BRINP3: variants seen among roughly 807,000 people sequenced by gnomAD.
The protein encoded by BRINP3 is BMP/retinoic acid-inducible neural-specific protein 3.
In BRINP3, 19 loss-of-function variants were observed where a neutral mutation model predicts 71.0. The ratio of observed to expected loss-of-function variants is 0.27; its 90% CI spans 0.19 to 0.39. BRINP3 has a LOEUF of 0.39. Ranked by LOEUF, BRINP3 falls within the 10% of genes least tolerant of loss-of-function variation. The pLI, the probability that BRINP3 is intolerant of heterozygous loss-of-function variation, is 1.00. For synonymous variants in BRINP3, 380 were observed against 337.7 expected (o/e 1.13, Z -1.37); for missense variants, 959 against 940.8 (o/e 1.02, Z -0.25).
intron 2 of BRINP3, among the ~76,000 whole-genome samples, chr1:190,371,856 G>A (rs757672821): frequency 6.1e-4 from 92 of 152,034 alleles, no homozygotes; most frequent in Non-Finnish European, 9.0e-4. Flanking sequence ...GAGAGTCTCC[G>A]ACCCCTATCA....
At chr1:190,166,467 A>G (rs762287287) in intron 6 of BRINP3, among the ~76,000 whole-genome samples, 1 of 152,176 alleles carries the variant, frequency 6.6e-6, no homozygotes, top group Non-Finnish European at 1.5e-5. Context: ...CTTATCTCTT[A>G]GAAGCTGGAA....
intron 2 of BRINP3, among the ~76,000 whole-genome samples, chr1:190,448,463 T>TGTGTGTGTGTG (rs1553324612): frequency 2.1e-4 from 26 of 125,062 alleles, no homozygotes; most frequent in Admixed American, 7.7e-4. Context: ...CACTTGGGGT[T>TGTGTGTGTGTG]TGTGTGTGTG....
rs78576435 is a variant in BRINP3 at position 190,277,276 on chromosome 1, C to G, written c.427+4284G>C. Among the ~76,000 whole-genome samples, 530 of 150,378 alleles carry G rather than the reference C, an allele frequency of 3.5e-3. 5 individuals are homozygous for G. Among genetic ancestry groups the G allele is most frequent in the African/African-American group, 0.012 (493 of 41,140 alleles). Reference sequence around the variant, plus strand: ...AGGAAAGAGGCTGCCCATGAAAACTCCACCTCTTACTCTTCCTCCTTTTGT... The same window carrying G: ...AGGAAAGAGGCTGCCCATGAAAACTGCACCTCTTACTCTTCCTCCTTTTGT... On this transcript the variant is annotated intron_variant, in intron 3 of 7. Transcript: ENST00000367462.
chr1:190,447,134 A>G (rs1175757418), intron 2 of BRINP3, among the ~76,000 whole-genome samples: 1 of 151,658 alleles, frequency 6.6e-6, no homozygotes, highest in Non-Finnish European at 1.5e-5. Context: ...TGAATATGTA[A>G]AATGGAAATT....
At chr1:190,143,096 T>C (rs1180816520) in intron 7 of BRINP3, among the ~76,000 whole-genome samples, 2 of 152,170 alleles carry the variant, frequency 1.3e-5, no homozygotes, top group Non-Finnish European at 2.9e-5. Context: ...ATTAAAATGT[T>C]TTAAAATATA....
At chr1:190,181,399 T>A (rs976541414) in intron 6 of BRINP3, among the ~76,000 whole-genome samples, 2 of 152,154 alleles carry the variant, frequency 1.3e-5, no homozygotes, top group African/African-American at 4.8e-5. Flanking sequence ...ATTTTAGATA[T>A]GTTAAGGCTT....
At chr1:190,381,769 C>T (rs1230880224) in intron 2 of BRINP3, among the ~76,000 whole-genome samples, 1 of 152,140 alleles carries the variant, frequency 6.6e-6, no homozygotes, top group Non-Finnish European at 1.5e-5. Flanking sequence ...TCATTTAACA[C>T]ACACGGATGA....
chr1:190,143,901 G>A (rs192135109), intron 7 of BRINP3, among the ~76,000 whole-genome samples: 32 of 152,252 alleles, frequency 2.1e-4, no homozygotes, highest in Admixed American at 6.5e-4. Flanking sequence ...GCATAGCCAT[G>A]ACCATTTATA....
At chr1:190,199,165 C>T (rs141918047) in intron 6 of BRINP3, among the ~76,000 whole-genome samples, 1 of 152,264 alleles carries the variant, frequency 6.6e-6, no homozygotes, top group East Asian at 1.9e-4. Context: ...ATGAGAACAG[C>T]ACAGGAAACA....
chr1:190,293,496 C>CTCAAACTTCA lies in BRINP3; in HGVS notation c.237-11747_237-11746insTGAAGTTTGA, dbSNP rs1558152520. 5.4e-3 allele frequency among the ~76,000 whole-genome samples: 828 copies of CTCAAACTTCA among 152,228 alleles called. 5 individuals are homozygous for CTCAAACTTCA. Among genetic ancestry groups the CTCAAACTTCA allele is most frequent in the African/African-American group, 0.018 (757 of 41,546 alleles). On this transcript the variant is annotated intron_variant, in intron 2 of 7. Coordinates refer to ENST00000367462, the MANE Select transcript of BRINP3 (RefSeq NM_199051.3). ...GATGAGAAGATTGTTTATTCTGCAG[C>CTCAAACTTCA]AGTTTGAGTGAAATGTTCTGGAAAT...
At chr1:190,227,392 C>A (rs940662166) in intron 5 of BRINP3, among the ~76,000 whole-genome samples, 1 of 151,516 alleles carries the variant, frequency 6.6e-6, no homozygotes, top group Non-Finnish European at 1.5e-5. Context: ...CTTATATATT[C>A]GATTTCATAT....
intron 1 of BRINP3, among the ~76,000 whole-genome samples, chr1:190,457,798 A>G (rs1324475976): frequency 6.6e-6 from 1 of 152,118 alleles, no homozygotes; most frequent in Non-Finnish European, 1.5e-5. Context: ...CCTAGATGGC[A>G]TTTGAGGTCC....
intron 2 of BRINP3, among the ~76,000 whole-genome samples, chr1:190,346,466 T>C (rs1388942549): frequency 6.6e-6 from 1 of 152,078 alleles, no homozygotes; most frequent in Non-Finnish European, 1.5e-5. Context: ...TACTATTTTC[T>C]CTGAATCTCA....
chr1:190,118,540 GA>G, intron 7 of BRINP3, among the ~76,000 whole-genome samples: 1 of 152,148 alleles, frequency 6.6e-6, no homozygotes, highest in Non-Finnish European at 1.5e-5. Context: ...AACTCACCAT[GA>G]ACCTAGGAGA....
chr1:190,352,126 G>C (rs1362149091), intron 2 of BRINP3, among the ~76,000 whole-genome samples: 1 of 151,102 alleles, frequency 6.6e-6, no homozygotes, highest in Non-Finnish European at 1.5e-5. Flanking sequence ...ATTTAAAAAA[G>C]GAAAAAAAAT....
At chr1:190,242,921 C>T (rs1659245235) in intron 4 of BRINP3, among the ~76,000 whole-genome samples, 3 of 152,050 alleles carry the variant, frequency 2.0e-5, no homozygotes, top group African/African-American at 7.2e-5. Flanking sequence ...AGAGTAATTG[C>T]TTCAGTGCAG....
chr1:190,444,236 T>C (rs866806287), intron 2 of BRINP3, among the ~76,000 whole-genome samples: 6 of 21,434 alleles, frequency 2.8e-4, no homozygotes, highest in South Asian at 4.1e-3. Context: ...CAAAACTCCG[T>C]CTCAAAAAAA....
At chr1:190,245,155 A>C (rs1659468692) in intron 4 of BRINP3, among the ~76,000 whole-genome samples, 2 of 151,998 alleles carry the variant, frequency 1.3e-5, no homozygotes, top group Admixed American at 1.3e-4. Flanking sequence ...CAGCACACTA[A>C]AACTCAACAG....
At chr1:190,461,026 C>T (rs568534654) in intron 1 of BRINP3, among the ~76,000 whole-genome samples, 1 of 152,314 alleles carries the variant, frequency 6.6e-6, no homozygotes, top group South Asian at 2.1e-4. Flanking sequence ...TCTATCCAAT[C>T]TGTTCTTTTT....
Sources: gnomAD v4.1 joint callset for allele counts (sites outside exome capture counted in the v4.1 genomes callset) on GRCh38, gnomAD v4.1.1 for gene constraint, MANE v1.5 for transcripts, NCBI Gene and HGNC (gene_info 2026-07-23, HGNC 2026-07-21) for gene names.